Variants in DAB1 observed in about 807,000 individuals in gnomAD.
DAB1 encodes the protein DAB adaptor protein 1.
In DAB1, 15 loss-of-function variants were observed where a neutral mutation model predicts 64.6. The observed-to-expected ratio is 0.23, with a 90% CI of 0.16 to 0.36. DAB1 has a LOEUF of 0.36. Ranked by LOEUF, DAB1 falls within the 10% of genes least tolerant of loss-of-function variation. The probability of loss-of-function intolerance (pLI) is 1.00; values close to 1 mark genes in which losing one functional copy is unlikely to be tolerated. For missense variants in DAB1, 596 were observed against 706.7 expected, an observed-to-expected ratio of 0.84 and a Z score of 1.78; for synonymous variants, 235 against 251.9, an observed-to-expected ratio of 0.93 and a Z score of 0.64.
At chr1:58,001,289 A>G (rs573704226) in intron 5 of DAB1, among the ~76,000 whole-genome samples, 1 of 152,022 alleles carries the variant, frequency 6.6e-6, no homozygotes, top group East Asian at 1.9e-4. Context: ...TTTGAGATGG[A>G]GTCTCACTCT....
At chr1:57,272,261 G>A (rs931179899) in intron 2 of DAB1, among the ~76,000 whole-genome samples, 13 of 152,142 alleles carry the variant, frequency 8.5e-5, no homozygotes, top group African/African-American at 2.7e-4. Flanking sequence ...AGAACCACAC[G>A]CCTGGAGACC....
intron 2 of DAB1, among the ~76,000 whole-genome samples, chr1:57,146,860 T>C (rs529113414): frequency 6.6e-6 from 1 of 152,226 alleles, no homozygotes; most frequent in East Asian, 1.9e-4. Context: ...GAATCATAGG[T>C]CCCTCTCGTA....
chr1:57,644,773 G>A (rs191821811), intron 7 of DAB1, among the ~76,000 whole-genome samples: 2 of 152,228 alleles, frequency 1.3e-5, no homozygotes, highest in Admixed American at 1.3e-4. Context: ...TAAGTCTGTT[G>A]TCTCACATCT....
At chr1:58,102,241 G>T (rs1240002629) in intron 5 of DAB1, among the ~76,000 whole-genome samples, 1 of 152,154 alleles carries the variant, frequency 6.6e-6, no homozygotes, top group Non-Finnish European at 1.5e-5. Context: ...TCCCTCAATG[G>T]GTGCACAGTA....
At chr1:57,728,713 T>G (rs1647286716) in intron 6 of DAB1, among the ~76,000 whole-genome samples, 1 of 152,178 alleles carries the variant, frequency 6.6e-6, no homozygotes, top group African/African-American at 2.4e-5. Flanking sequence ...AATCTATATA[T>G]CTTCCTGTTG....
chr1:57,744,352 A>G (rs1294800648), intron 6 of DAB1, among the ~76,000 whole-genome samples: 1 of 152,146 alleles, frequency 6.6e-6, no homozygotes, highest in African/African-American at 2.4e-5. Context: ...GTCTCCTCTG[A>G]AAGATGCAGA....
chr1:57,317,267 A>C (rs1675293627), intron 1 of DAB1, among the ~76,000 whole-genome samples: 1 of 152,182 alleles, frequency 6.6e-6, no homozygotes, highest in Non-Finnish European at 1.5e-5. Context: ...TGAGCCTCGC[A>C]ATGACGGGAG....
At chr1:58,425,827 A>C (rs714061) in intron 3 of DAB1, among the ~76,000 whole-genome samples, 22,382 of 151,944 alleles carry the variant, frequency 0.15, 2,149 homozygotes, top group Non-Finnish European at 0.21. Context: ...CATTAGATTT[A>C]ATCAAGCAGA....
chr1:58,534,287 G>A (rs145809730), intron 1 of DAB1: 62 of 867,442 alleles, frequency 7.1e-5, no homozygotes, highest in Non-Finnish European at 1.1e-4. Flanking sequence ...CCAGGTATCG[G>A]GCATCTTTCT....
intron 4 of DAB1, among the ~76,000 whole-genome samples, chr1:58,239,931 C>A (rs1660214163): frequency 6.6e-6 from 1 of 152,240 alleles, no homozygotes; most frequent in Non-Finnish European, 1.5e-5. Flanking sequence ...ATTCTCTTCC[C>A]TGCATTTCCC....
rs146433430 is a variant in DAB1, at chr1:57,301,438, T to A, written c.-136-10272A>T. The stretch of plus-strand genomic sequence containing the variant: ...TGAGGGGAGGAAGGCTTACTGTGTT[T>A]ATTTGCTTTTGGAGACTGAACGCCC... On this transcript the variant is annotated intron_variant, in intron 1 of 14. Transcript: ENST00000371236. Among the ~76,000 whole-genome samples, 635 of 152,312 alleles carry A rather than the reference T, an allele frequency of 4.2e-3. 1 individual carries two copies. The highest frequency in any genetic ancestry group is 6.8e-3 in the Middle Eastern group (2 of 294).
intron 1 of DAB1, chr1:57,387,313 G>A (rs916570198): frequency 2.0e-5 from 3 of 152,186 alleles, no homozygotes; most frequent in Non-Finnish European, 4.4e-5. Flanking sequence ...AGGATAAGGA[G>A]AAGGTTAATG....
At chr1:58,523,659 G>A (rs1202290243) in intron 2 of DAB1, among the ~76,000 whole-genome samples, 1 of 152,134 alleles carries the variant, frequency 6.6e-6, no homozygotes, top group Non-Finnish European at 1.5e-5. Context: ...CAGCACTTTG[G>A]GAGGCCAAGG....
chr1:57,214,797 G>C (rs1293538528), intron 2 of DAB1, among the ~76,000 whole-genome samples: 1 of 150,662 alleles, frequency 6.6e-6, no homozygotes, highest in Non-Finnish European at 1.5e-5. Context: ...TGTAGTCCCA[G>C]CTACTCAGGA....
At chr1:58,047,240 T>TA (rs1305871851) in intron 5 of DAB1, among the ~76,000 whole-genome samples, 19 of 152,122 alleles carry the variant, frequency 1.2e-4, no homozygotes, top group Non-Finnish European at 2.2e-4. Context: ...TTAAGTAAAA[T>TA]AAAAAAACAG....
At chr1:57,090,229 C>T (rs72672617) in intron 4 of DAB1, among the ~76,000 whole-genome samples, 8,755 of 152,232 alleles carry the variant, frequency 0.058, 326 homozygotes, top group Non-Finnish European at 0.083. Context: ...ATCTGGGAAG[C>T]AGAAGGATTA....
At chr1:57,342,725 C>T (rs538149664) in intron 1 of DAB1, among the ~76,000 whole-genome samples, 18 of 152,196 alleles carry the variant, frequency 1.2e-4, no homozygotes, top group Non-Finnish European at 2.5e-4. Flanking sequence ...AGAGTTTCTT[C>T]CTTATGGTGG....
intron 1 of DAB1, among the ~76,000 whole-genome samples, chr1:57,844,157 GA>G (rs1653174725): frequency 6.6e-6 from 1 of 152,194 alleles, no homozygotes; most frequent in African/African-American, 2.4e-5. Flanking sequence ...TTCCTGCAGG[GA>G]GGATTACTCA....
intron 4 of DAB1, among the ~76,000 whole-genome samples, chr1:57,120,244 A>G (rs1371623716): frequency 6.6e-6 from 1 of 152,156 alleles, no homozygotes; most frequent in Non-Finnish European, 1.5e-5. Flanking sequence ...AATAAGAAAT[A>G]TATTAGTCTG....
Sources: gnomAD v4.1 joint callset for allele counts (sites outside exome capture counted in the v4.1 genomes callset) on GRCh38, gnomAD v4.1.1 for gene constraint, MANE v1.5 for transcripts, NCBI Gene and HGNC (gene_info 2026-07-23, HGNC 2026-07-21) for gene names.